The following KITLG variants were observed in gnomAD, a reference collection of about 807,000 sequenced individuals.
The protein encoded by KITLG is c-Kit ligand.
A neutral mutation model predicts 34.1 loss-of-function variants in KITLG; 13 were observed. The observed-to-expected ratio is 0.38, with a 90% CI of 0.25 to 0.61. The LOEUF (loss-of-function observed/expected upper bound fraction) is 0.61, where lower values mean the gene tolerates loss of function less well. Ranked by LOEUF, KITLG falls within the 20% of genes least tolerant of loss-of-function variation. The pLI is 0.60. For missense variants in KITLG, 292 were observed against 318.9 expected, an observed-to-expected ratio of 0.92 and a Z score of 0.64; for synonymous variants, 110 against 104.0, an observed-to-expected ratio of 1.06 and a Z score of -0.35.
intron 2 of KITLG, among the ~76,000 whole-genome samples, chr12:88,537,255 C>T (rs1465468979): frequency 1.3e-5 from 2 of 151,642 alleles, no homozygotes; most frequent in African/African-American, 4.8e-5. Flanking sequence ...TGAATAAAGA[C>T]AATGTGATAC....
chr12:88,521,196 G>C (rs1869645097), intron 3 of KITLG, among the ~76,000 whole-genome samples: 1 of 151,988 alleles, frequency 6.6e-6, no homozygotes, highest in Non-Finnish European at 1.5e-5. Context: ...TAAGATTCTT[G>C]AGTTTATTAA....
intron 1 of KITLG, among the ~76,000 whole-genome samples, chr12:88,569,679 C>T (rs1466313935): frequency 6.6e-6 from 1 of 152,070 alleles, no homozygotes; most frequent in African/African-American, 2.4e-5. Context: ...TCTTAGGCAA[C>T]CAAAGCAGAC....
intron 2 of KITLG, among the ~76,000 whole-genome samples, chr12:88,544,429 C>T (rs1000923464): frequency 6.6e-6 from 1 of 151,798 alleles, no homozygotes; most frequent in African/African-American, 2.4e-5. Flanking sequence ...ACATACTGTC[C>T]TTTTAGTATT....
intron 3 of KITLG, among the ~76,000 whole-genome samples, chr12:88,519,599 TTTTATTTATTTA>T (rs532269679): frequency 2.6e-5 from 4 of 151,878 alleles, no homozygotes; most frequent in Non-Finnish European, 5.9e-5. Context: ...AAGTCAAGCC[TTTTATTTATTTA>T]TTTATTTATT....
intron 3 of KITLG, among the ~76,000 whole-genome samples, chr12:88,520,188 G>A (rs1869606467): frequency 6.6e-6 from 1 of 152,168 alleles, no homozygotes; most frequent in African/African-American, 2.4e-5. Context: ...CAAAGAATAT[G>A]TGTTTCCAAA....
chr12:88,572,985 C>T lies in KITLG; in HGVS notation c.15+7279G>A, dbSNP rs374444449. ...CGAGAAATCCAAACTAAAGCAATCA[C>T]AGAGCTTTTGGTTGTTCATCAAAAA... On this transcript the variant is annotated intron_variant, in intron 1 of 9. Transcript: ENST00000644744. 6.4e-4 allele frequency among the ~76,000 whole-genome samples: 97 copies of T among 152,270 alleles called. No individual in the cohort carries two copies. In the Middle Eastern group the frequency reaches 0.01, roughly 16 times the overall value.
intron 2 of KITLG, among the ~76,000 whole-genome samples, chr12:88,533,496 C>T (rs1216548244): frequency 2.0e-5 from 3 of 152,194 alleles, no homozygotes; most frequent in Non-Finnish European, 2.9e-5. Flanking sequence ...TCTCTTCCTT[C>T]CTACACACTG....
At chr12:88,544,461 C>T (rs751324978) in intron 2 of KITLG, among the ~76,000 whole-genome samples, 7 of 150,128 alleles carry the variant, frequency 4.7e-5, no homozygotes, top group Non-Finnish European at 8.9e-5. Context: ...CACAAACTAA[C>T]AAGCAACTCA....
intron 1 of KITLG, among the ~76,000 whole-genome samples, chr12:88,574,296 A>AG (rs1298466413): frequency 6.6e-6 from 1 of 151,808 alleles, no homozygotes; most frequent in African/African-American, 2.4e-5. Flanking sequence ...AAAAGAAAAA[A>AG]AAAAAAAGAA....
At chr12:88,538,141 G>A (rs936970933) in intron 2 of KITLG, among the ~76,000 whole-genome samples, 11 of 152,090 alleles carry the variant, frequency 7.2e-5, no homozygotes, top group African/African-American at 1.7e-4. Context: ...TACTAAATGC[G>A]AGGGAGTGGG....
chr12:88,538,816 T>C (rs1870419038), intron 2 of KITLG, among the ~76,000 whole-genome samples: 1 of 152,124 alleles, frequency 6.6e-6, no homozygotes, highest in South Asian at 2.1e-4. Flanking sequence ...CTCATTCTAA[T>C]GAGCTCTGGT....
At position 88,572,267 on chromosome 12, in the gene KITLG, G is replaced by A. The variant is rs568413460; in HGVS notation, c.15+7997C>T. On this transcript the variant is annotated intron_variant, in intron 1 of 9. Coordinates refer to ENST00000644744, the MANE Select transcript of KITLG (RefSeq NM_000899.5). ...AAATAAATGCAAACGGCTTAGAACAGGTCCTGACATTGTGAGCATTATATA... is the reference window on the plus strand; with the variant it reads ...AAATAAATGCAAACGGCTTAGAACAAGTCCTGACATTGTGAGCATTATATA... Among the ~76,000 whole-genome samples the A allele has an allele frequency of 3.3e-5, 5 of 152,050 alleles. No individual in the cohort carries two copies. In the East Asian group the frequency reaches 7.7e-4, roughly 23 times the overall value.
At chr12:88,571,130 T>G (rs955279304) in intron 1 of KITLG, among the ~76,000 whole-genome samples, 1 of 152,222 alleles carries the variant, frequency 6.6e-6, no homozygotes, top group African/African-American at 2.4e-5. Context: ...GAAAGCCCTA[T>G]AGCCAAAGCC....
intron 4 of KITLG, among the ~76,000 whole-genome samples, chr12:88,518,235 C>A (rs540933932): frequency 6.6e-6 from 1 of 152,176 alleles, no homozygotes; most frequent in Non-Finnish European, 1.5e-5. Context: ...ATATGTCATG[C>A]CCATATCCTG....
At position 88,563,089 on chromosome 12, in the gene KITLG, A is replaced by C. The variant is rs141100805; in HGVS notation, c.15+17175T>G. 3.5e-3 allele frequency among the ~76,000 whole-genome samples: 532 copies of C among 152,322 alleles called. 1 individual carries two copies. The highest frequency in any genetic ancestry group is 0.01 in the Middle Eastern group (3 of 294). ...AGAATTTATTGTAATACGCAACCAT[A>C]AATTTTTTATTTCCCCAATGAGTTG... On this transcript the variant is annotated intron_variant, in intron 1 of 9. Transcript: ENST00000644744.
rs1868492039 is a variant in KITLG, at chr12:88,493,626, C to T, written c.*3593G>A. 1 of 151,800 alleles carries T rather than the reference C, an allele frequency of 6.6e-6. No individual in the cohort carries two copies. Among genetic ancestry groups the T allele is most frequent in the Admixed American group, 6.6e-5 (1 of 15,222 alleles). 9.4% of individuals were successfully genotyped at this position (151,800 alleles called of 1,614,324 possible). ...TTTAAAGTGTAATTAATGAATTACC[C>T]CTTTATAAATTGATTCTAAAATATC... is the stretch of plus-strand genomic sequence containing the variant. On this transcript the variant is annotated 3_prime_UTR_variant, in exon 10 of 10. Transcript: ENST00000644744.
At position 88,545,786 on chromosome 12, in the gene KITLG, C is replaced by T. The variant is rs758185472; in HGVS notation, c.95G>A (p.Arg32His). Residue 32 changes from arginine (R) to histidine (H), a missense_variant, in exon 2 of 10, where the codon CGT (arginine) becomes CAT (histidine). Arg to His is a conservative substitution (Grantham distance 29, BLOSUM62 0). Transcript: ENST00000644744. ...LVKTEGICRN[R>H]VTNNVKDVTK... ...GACGTCTTTTACATTATTAGTCACA[C>T]GATTCCTGCAGATCCCTTCAGTTTT... 8 of 1,609,500 alleles carry T rather than the reference C, an allele frequency of 5.0e-6. No homozygotes were observed. The highest frequency in any genetic ancestry group is 2.7e-5 in the African/African-American group (2 of 74,772).
chr12:88,556,667 A>C (rs1054978577), intron 1 of KITLG, among the ~76,000 whole-genome samples: 4 of 152,172 alleles, frequency 2.6e-5, no homozygotes, highest in Non-Finnish European at 4.4e-5. Flanking sequence ...ATATGTAGGA[A>C]GAGAAGAGGC....
chr12:88,545,972 T>A, intron 1 of KITLG, 107 bp from the exon 2 acceptor site: 1 of 760,140 alleles, frequency 1.3e-6, no homozygotes, highest in Non-Finnish European at 2.4e-6. Context: ...GTCTAATATA[T>A]GTTATTGGCT....
Sources: allele counts gnomAD v4.1 joint callset (sites outside exome capture counted in the v4.1 genomes callset), GRCh38; gene constraint gnomAD v4.1.1; transcripts MANE v1.5; gene names NCBI Gene and HGNC (gene_info 2026-07-23, HGNC 2026-07-21).